Variants in PRSS23 observed in about 807,000 individuals in gnomAD.
The protein encoded by PRSS23 is protease, serine 23.
A neutral mutation model predicts 34.7 loss-of-function variants in PRSS23; 25 were observed. The observed-to-expected ratio is 0.72, with a 90% CI of 0.53 to 1.01. The LOEUF (loss-of-function observed/expected upper bound fraction) is 1.01. Among genes scored for constraint, PRSS23 ranks in the 50% least tolerant of loss-of-function variants. The pLI, the probability that PRSS23 is intolerant of heterozygous loss-of-function variation, is 0.00. For missense variants in PRSS23, 445 were observed against 475.6 expected (o/e 0.94, Z 0.60); for synonymous variants, 176 against 186.6 (o/e 0.94, Z 0.46).
chr11:86,919,069 A>T (rs1358140298), intron 2 of PRSS23, among the ~76,000 whole-genome samples: 1 of 152,178 alleles, frequency 6.6e-6, no homozygotes, highest in African/African-American at 2.4e-5. Context: ...CGCAGTTTCC[A>T]GACATCCGCA....
At chr11:86,900,788 T>C (rs988737713) in intron 2 of PRSS23, among the ~76,000 whole-genome samples, 29 of 143,686 alleles carry the variant, frequency 2.0e-4, no homozygotes, top group Middle Eastern at 3.4e-3. Context: ...TCTCTTTTTT[T>C]TTTTTTTTTT....
intron 2 of PRSS23, among the ~76,000 whole-genome samples, chr11:86,925,263 A>G (rs1384181555): frequency 4.6e-5 from 7 of 151,974 alleles, no homozygotes; most frequent in African/African-American, 1.7e-4. Context: ...TACCCAAGTG[A>G]AAACTGCATT....
chr11:86,792,746 C>G (rs1248709385), intron 1 of PRSS23, among the ~76,000 whole-genome samples: 1 of 151,938 alleles, frequency 6.6e-6, no homozygotes, highest in Non-Finnish European at 1.5e-5. Context: ...AGAATGTAGA[C>G]AGATGGATAT....
At chr11:86,820,882 G>C (rs1948246935) in intron 1 of PRSS23, among the ~76,000 whole-genome samples, 1 of 152,132 alleles carries the variant, frequency 6.6e-6, no homozygotes, top group South Asian at 2.1e-4. Flanking sequence ...TTACCCAACT[G>C]TAAATTCTTT....
At chr11:86,945,810 G>A (rs1248555533) in intron 2 of PRSS23, 1 of 152,558 alleles carries the variant, frequency 6.6e-6, no homozygotes, top group Non-Finnish European at 1.5e-5. Flanking sequence ...TAAAAGCAGG[G>A]TCCATTTCCT....
At chr11:86,860,777 G>A (rs1948607396) in intron 2 of PRSS23, among the ~76,000 whole-genome samples, 1 of 151,864 alleles carries the variant, frequency 6.6e-6, no homozygotes, top group African/African-American at 2.4e-5. Flanking sequence ...TCCCAGGGCG[G>A]GGAAGACAAT....
chr11:86,902,945 G>T (rs1948920788), intron 2 of PRSS23, among the ~76,000 whole-genome samples: 1 of 152,074 alleles, frequency 6.6e-6, no homozygotes, highest in African/African-American at 2.4e-5. Context: ...AACCTCTTCA[G>T]GCCTTAGTGT....
intron 1 of PRSS23, chr11:86,821,757 A>T (rs1470436388): frequency 3.9e-6 from 5 of 1,280,520 alleles, no homozygotes; most frequent in Non-Finnish European, 5.5e-6. Context: ...CAGGCCAATT[A>T]TAAAAATCCT....
At chr11:86,905,750 G>C (rs1948937638) in intron 2 of PRSS23, among the ~76,000 whole-genome samples, 1 of 152,146 alleles carries the variant, frequency 6.6e-6, no homozygotes, top group African/African-American at 2.4e-5. Flanking sequence ...ATAGACGTCT[G>C]AGTCCCCAAG....
intron 2 of PRSS23, chr11:86,947,233 A>ACAAC (rs1949251632): frequency 6.2e-6 from 1 of 160,288 alleles, no homozygotes; most frequent in African/African-American, 2.6e-5. Flanking sequence ...AAACAAACAA[A>ACAAC]CAACAAAAAA....
At chr11:86,879,856 G>A (rs1236625486) in intron 2 of PRSS23, among the ~76,000 whole-genome samples, 126 of 121,798 alleles carry the variant, frequency 1.0e-3, no homozygotes, top group African/African-American at 1.8e-3. Flanking sequence ...CAGCCGCCCC[G>A]TCCGGGAGGT....
At chr11:86,868,563 T>G (rs886617076) in intron 2 of PRSS23, among the ~76,000 whole-genome samples, 2 of 152,098 alleles carry the variant, frequency 1.3e-5, no homozygotes, top group Non-Finnish European at 2.9e-5. Context: ...AAAGACTCCT[T>G]CCCAGTCTCC....
At chr11:86,896,479 G>A (rs1321540876) in intron 2 of PRSS23, 1 of 151,794 alleles carries the variant, frequency 6.6e-6, no homozygotes. Flanking sequence ...AAATAGTTTT[G>A]TAAGAACGTG....
intron 2 of PRSS23, among the ~76,000 whole-genome samples, chr11:86,889,560 A>G (rs1186968344): frequency 6.6e-6 from 1 of 152,184 alleles, no homozygotes; most frequent in Non-Finnish European, 1.5e-5. Flanking sequence ...CACTCCATCA[A>G]GTCTTTTTAT....
chr11:86,897,730 G>A (rs1386815610), intron 2 of PRSS23, among the ~76,000 whole-genome samples: 1 of 152,094 alleles, frequency 6.6e-6, no homozygotes, highest in Non-Finnish European at 1.5e-5. Context: ...CCTGGGCTTT[G>A]GTTGCTGGGA....
chr11:86,937,838 T>C (rs1037287899), intron 2 of PRSS23: 2 of 152,238 alleles, frequency 1.3e-5, no homozygotes, highest in African/African-American at 4.8e-5. Context: ...CCTTTAATTC[T>C]TTCTTGCGTG....
intron 2 of PRSS23, among the ~76,000 whole-genome samples, chr11:86,878,826 C>G (rs910273591): frequency 3.3e-4 from 50 of 151,872 alleles, no homozygotes; most frequent in African/African-American, 1.1e-3. Flanking sequence ...AGGAGCGCCT[C>G]TTCCCTGCGG....
chr11:86,900,559 C>G (rs577283824), intron 2 of PRSS23, among the ~76,000 whole-genome samples: 1 of 152,278 alleles, frequency 6.6e-6, no homozygotes, highest in South Asian at 2.1e-4. Flanking sequence ...CAGGGCCCTG[C>G]ATGGTCTGGC....
At chr11:86,879,842 C>T (rs1433818586) in intron 2 of PRSS23, among the ~76,000 whole-genome samples, 17 of 135,852 alleles carry the variant, frequency 1.3e-4, no homozygotes, top group Non-Finnish European at 1.8e-4. Flanking sequence ...GCCCCCCGCC[C>T]GGCCAGCCGC....
Sources: allele counts gnomAD v4.1 joint callset (sites outside exome capture counted in the v4.1 genomes callset), GRCh38; gene constraint gnomAD v4.1.1; transcripts MANE v1.5; gene names NCBI Gene and HGNC (gene_info 2026-07-23, HGNC 2026-07-21).